Variants in SF3B1 observed in about 807,000 individuals in gnomAD.
SF3B1 encodes splicing factor 3b subunit 1.
Under a neutral mutation model 153.8 loss-of-function variants are expected in SF3B1, and 12 were observed. The ratio of observed to expected loss-of-function variants is 0.08; its 90% CI spans 0.05 to 0.13. The LOEUF is 0.13. SF3B1 is among the 10% of genes least tolerant of loss of function. The probability of loss-of-function intolerance (pLI) is 1.00; values close to 1 mark genes in which losing one functional copy is unlikely to be tolerated. For synonymous variants in SF3B1, 498 were observed against 525.2 expected (o/e 0.95, Z 0.71); for missense variants, 513 against 1,606.1 (o/e 0.32, Z 11.63).
chr2:197,417,449 T>C (rs1372321971), intron 5 of SF3B1, among the ~76,000 whole-genome samples: 1 of 151,410 alleles, frequency 6.6e-6, no homozygotes, highest in Non-Finnish European at 1.5e-5. Flanking sequence ...ATAATAGTAA[T>C]GGAGGAGGCT....
At chr2:197,409,439 A>C (rs1298527804) in intron 7 of SF3B1, among the ~76,000 whole-genome samples, 1 of 151,972 alleles carries the variant, frequency 6.6e-6, no homozygotes. Flanking sequence ...GCATGCCCCT[A>C]TAGTCTCAGC....
intron 1 of SF3B1, among the ~76,000 whole-genome samples, chr2:197,434,339 G>A (rs2085488243): frequency 6.6e-6 from 1 of 152,164 alleles, no homozygotes; most frequent in African/African-American, 2.4e-5. Flanking sequence ...ATTAATGAAA[G>A]TAATTTATGT....
intron 1 of SF3B1, among the ~76,000 whole-genome samples, chr2:197,428,989 T>C (rs575517971): frequency 6.8e-6 from 1 of 147,614 alleles, no homozygotes; most frequent in South Asian, 2.1e-4. Context: ...AAGGCGGGGG[T>C]TGGCAACTAT....
Position 197,400,506 on chromosome 2 carries a change from C to A in SF3B1, c.2719-72G>T. 7.5e-7 allele frequency: 1 copy of A among 1,330,598 alleles called. No homozygotes were observed. Among genetic ancestry groups the A allele is most frequent in the Non-Finnish European group, 1.0e-6 (1 of 968,624 alleles). 82.4% of individuals were successfully genotyped at this position (1,330,598 alleles called of 1,614,324 possible). A position where few individuals can be genotyped will look rare whatever the true frequency, so the allele number is the denominator to read the frequency against. The stretch of plus-strand genomic sequence containing the variant: ...TGCACAGTTGAAATACACTAAGAGT[C>A]AACCTTTTCTAACCACCCAAACATC... On this transcript the variant is annotated intron_variant, in intron 18 of 24. Coordinates refer to ENST00000335508, the MANE Select transcript of SF3B1 (RefSeq NM_012433.4). This position sits in a 1 kb window ranked among gnomAD's most constrained non-coding sequence, Gnocchi z 5.0.
Position 197,402,379 on chromosome 2 carries a change from A to T in SF3B1, c.2077+177T>A. On this transcript the variant is annotated intron_variant, in intron 14 of 24. Transcript: ENST00000335508. This position sits in a 1 kb window ranked among gnomAD's most constrained non-coding sequence, Gnocchi z 4.6. ...TCCCCAAATCAGTAGCCCAAATTTTAGGACAGCTGTCCTATTAAACATGGA... is the reference window on the plus strand; with the variant it reads ...TCCCCAAATCAGTAGCCCAAATTTTTGGACAGCTGTCCTATTAAACATGGA... 1 of 693,352 alleles carries T rather than the reference A, an allele frequency of 1.4e-6. No homozygotes were observed. The allele number at this position is 693,352 out of a possible 1,614,324, so 42.9% of individuals were successfully genotyped here.
intron 1 of SF3B1, among the ~76,000 whole-genome samples, chr2:197,425,136 C>T (rs2085313093): frequency 6.6e-6 from 1 of 152,016 alleles, no homozygotes; most frequent in Non-Finnish European, 1.5e-5. Context: ...TTAGCCTGGG[C>T]AAAGAGCAAA....
At chr2:197,417,508 C>T (rs911765244) in intron 5 of SF3B1, among the ~76,000 whole-genome samples, 10 of 145,108 alleles carry the variant, frequency 6.9e-5, no homozygotes, top group South Asian at 2.2e-4. Flanking sequence ...GAGGTTAAGG[C>T]GGGCAGATCA....
intron 4 of SF3B1, chr2:197,419,386 C>T: frequency 4.3e-6 from 1 of 235,126 alleles, no homozygotes; most frequent in East Asian, 6.3e-5. Flanking sequence ...CAGTATATAA[C>T]AAGATTCACA....
intron 6 of SF3B1, among the ~76,000 whole-genome samples, chr2:197,413,848 C>T (rs2085107825): frequency 6.6e-6 from 1 of 151,650 alleles, no homozygotes; most frequent in Non-Finnish European, 1.5e-5. Flanking sequence ...CGCTGTGTCG[C>T]AAGACTGAAG....
intron 20 of SF3B1, chr2:197,399,069 C>A: frequency 1.5e-6 from 2 of 1,300,492 alleles, no homozygotes; most frequent in Non-Finnish European, 2.0e-6. Flanking sequence ...AGGCAGCTGG[C>A]AGGGGCTCTT....
intron 11 of SF3B1, among the ~76,000 whole-genome samples, chr2:197,404,323 T>C (rs1219976412): frequency 6.6e-6 from 1 of 152,214 alleles, no homozygotes; most frequent in African/African-American, 2.4e-5. Flanking sequence ...TTCACACCTG[T>C]AATCCCAGCA....
intron 22 of SF3B1, among the ~76,000 whole-genome samples, chr2:197,397,610 ACATGGTGAAACCT>A (rs2084891260): frequency 6.6e-6 from 1 of 152,210 alleles, no homozygotes; most frequent in African/African-American, 2.4e-5. Context: ...AGCCTGGCCC[ACATGGTGAAACCT>A]CATCTCTACT....
chr2:197,398,928 C>T lies in SF3B1; in HGVS notation c.3014-347G>A, dbSNP rs1251082965. The T allele has an allele frequency of 5.1e-6, 3 of 587,088 alleles. No homozygotes were observed. In the East Asian group the frequency reaches 2.0e-4, roughly 38 times the overall value. The allele number at this position is 587,088 out of a possible 1,614,324, so 36.4% of individuals were successfully genotyped here. ...CACAACAATATAAGCCAGAGGTAAA[C>T]ATGTAAATAAAGCAAAAATTTCCAG... On this transcript the variant is annotated intron_variant, in intron 20 of 24. Transcript: ENST00000335508.
Position 197,392,060 on chromosome 2 carries a change from A to G in SF3B1, c.*243T>C, listed in dbSNP as rs1431274651. 3.3e-6 allele frequency: 1 copy of G among 299,946 alleles called. No individual in the cohort carries two copies. The highest frequency in any genetic ancestry group is 6.1e-6 in the Non-Finnish European group (1 of 163,114). 18.6% of individuals were successfully genotyped at this position (299,946 alleles called of 1,614,324 possible). The stretch of plus-strand genomic sequence containing the variant: ...GAGTTCTAAATCTTCATAAAGATGA[A>G]TTAAAAATGAAATCCCTCCAGTATA... On this transcript the variant is annotated 3_prime_UTR_variant, in exon 25 of 25. Coordinates refer to ENST00000335508, the MANE Select transcript of SF3B1 (RefSeq NM_012433.4).
At chr2:197,420,806 T>G (rs1381624011) in intron 3 of SF3B1, among the ~76,000 whole-genome samples, 1 of 152,152 alleles carries the variant, frequency 6.6e-6, no homozygotes, top group Non-Finnish European at 1.5e-5. Flanking sequence ...TCTCAACTAC[T>G]TGGGAGGTTG....
At chr2:197,398,230 CT>C in intron 21 of SF3B1, 114 bp from the exon 22 acceptor site, 1 of 952,750 alleles carries the variant, frequency 1.0e-6, no homozygotes. Flanking sequence ...TTAAATAAAA[CT>C]TACTACTCTT....
At chr2:197,414,533 G>A (rs2085119047) in intron 6 of SF3B1, among the ~76,000 whole-genome samples, 2 of 152,146 alleles carry the variant, frequency 1.3e-5, no homozygotes, top group African/African-American at 2.4e-5. Context: ...AGGGTATGAA[G>A]AAATGTCAAA....
intron 20 of SF3B1, among the ~76,000 whole-genome samples, chr2:197,399,669 AATAT>A (rs960365598): frequency 6.6e-6 from 1 of 151,988 alleles, no homozygotes; most frequent in Non-Finnish European, 1.5e-5. Flanking sequence ...TCAAGGTTTA[AATAT>A]ATATATATTG....
chr2:197,400,173 T>A lies in SF3B1; in HGVS notation c.2902-7A>T. On this transcript the variant is annotated splice_polypyrimidine_tract_variant and splice_region_variant and intron_variant, in intron 19 of 24. Transcript: ENST00000335508. The surrounding 1 kb of genome is among the most constrained non-coding windows in gnomAD (Gnocchi z 5.0). ...AGTGTCCCATCAATTTTTCCTATAA[T>A]AAAACAAATAATGTTAAAATGTTAC... 6.2e-7 allele frequency: 1 copy of A among 1,605,682 alleles called. No individual in the cohort carries two copies. The highest frequency in any genetic ancestry group is 1.1e-5 in the South Asian group (1 of 90,660).
Sources: gnomAD v4.1 joint callset for allele counts (sites outside exome capture counted in the v4.1 genomes callset) on GRCh38, gnomAD v4.1.1 for gene constraint, Gnocchi (gnomAD v3.1) non-coding constraint, MANE v1.5 for transcripts, NCBI Gene and HGNC (gene_info 2026-07-23, HGNC 2026-07-21) for gene names.